PPP1R16B: variants seen among roughly 807,000 people sequenced by gnomAD.
PPP1R16B encodes the protein protein phosphatase 1 regulatory inhibitor subunit 16B.
A neutral mutation model predicts 61.7 loss-of-function variants in PPP1R16B; 14 were observed. The ratio of observed to expected loss-of-function variants is 0.23; its 90% CI spans 0.15 to 0.35. PPP1R16B has a LOEUF of 0.35. PPP1R16B is among the 10% of genes least tolerant of loss of function. The pLI, the probability that PPP1R16B is intolerant of heterozygous loss-of-function variation, is 1.00. For synonymous variants in PPP1R16B, 266 were observed against 305.3 expected (o/e 0.87, Z 1.34); for missense variants, 547 against 752.5 (o/e 0.73, Z 3.19).
rs577315309 is a variant in PPP1R16B at position 38,818,754 on chromosome 20, CT to C, written c.-102+12980del. ...GTGTGTAGGCTTCACTGATTGTCCTCTTTTTTTTTTTTTTTTTTCCCCTTGA... is the reference window on the plus strand; with the variant it reads ...GTGTGTAGGCTTCACTGATTGTCCTCTTTTTTTTTTTTTTTTTCCCCTTGA... On this transcript the variant is annotated intron_variant, in intron 1 of 10. Transcript: ENST00000299824. Among the ~76,000 whole-genome samples the C allele has an allele frequency of 6.5e-3, 897 of 138,202 alleles. 1 individual carries two copies. Among genetic ancestry groups the C allele is most frequent in the East Asian group, 0.012 (58 of 4,814 alleles). The allele number at this position is 138,202 out of a possible 152,430, so 90.7% of individuals were successfully genotyped here.
intron 2 of PPP1R16B, among the ~76,000 whole-genome samples, chr20:38,865,224 T>G (rs1323610553): frequency 6.6e-6 from 1 of 151,726 alleles, no homozygotes; most frequent in East Asian, 1.9e-4. Flanking sequence ...GTCAGTGTCC[T>G]GGCACACAGA....
chr20:38,838,270 T>G (rs1334908068), intron 2 of PPP1R16B: 4 of 152,466 alleles, frequency 2.6e-5, no homozygotes, highest in African/African-American at 9.6e-5. Context: ...TGGCTGTCCC[T>G]GGAGAGGCCT....
chr20:38,878,585 T>C (rs1377490289), intron 2 of PPP1R16B, among the ~76,000 whole-genome samples: 2 of 152,224 alleles, frequency 1.3e-5, no homozygotes, highest in African/African-American at 4.8e-5. Flanking sequence ...AGCTAAATAA[T>C]CTTGGGAAAA....
At chr20:38,913,084 T>C (rs1032259944) in intron 10 of PPP1R16B, among the ~76,000 whole-genome samples, 2 of 151,810 alleles carry the variant, frequency 1.3e-5, no homozygotes, top group African/African-American at 4.8e-5. Flanking sequence ...TTGGCCAGGC[T>C]GGTCTCGAAC....
At chr20:38,871,566 GAGTA>G (rs1322058699) in intron 2 of PPP1R16B, among the ~76,000 whole-genome samples, 2 of 140,862 alleles carry the variant, frequency 1.4e-5, no homozygotes, top group East Asian at 2.4e-4. Flanking sequence ...GGGAGGTAGA[GAGTA>G]AGGAAGAGAG....
intron 2 of PPP1R16B, among the ~76,000 whole-genome samples, chr20:38,885,600 G>A (rs1464367450): frequency 2.0e-5 from 3 of 152,134 alleles, no homozygotes; most frequent in Admixed American, 1.3e-4. Flanking sequence ...AGAGAGGCCC[G>A]GTGCCAAATC....
At chr20:38,912,021 A>G (rs2145783996) in intron 10 of PPP1R16B, among the ~76,000 whole-genome samples, 1 of 151,690 alleles carries the variant, frequency 6.6e-6, no homozygotes, top group East Asian at 1.9e-4. Context: ...ACTACCAAGC[A>G]GTTTTCCAAG....
At chr20:38,895,782 C>T in intron 4 of PPP1R16B, 72 bp downstream of exon 4, 1 of 1,436,770 alleles carries the variant, frequency 7.0e-7, no homozygotes, top group Non-Finnish European at 9.5e-7. Flanking sequence ...TTCTTTCTCT[C>T]CTCCCTCCCT....
At chr20:38,863,262 GGTCTGACCGCAGAGACCTGATGCACCTC>G (rs2085066610) in intron 2 of PPP1R16B, among the ~76,000 whole-genome samples, 1 of 152,128 alleles carries the variant, frequency 6.6e-6, no homozygotes, top group South Asian at 2.1e-4. Flanking sequence ...AGATAACCCT[GGTCTGACCGCAGAGACCTGATGCACCTC>G]GTACTTCCCC....
chr20:38,867,744 C>G (rs1425721449), intron 2 of PPP1R16B, among the ~76,000 whole-genome samples: 1 of 151,970 alleles, frequency 6.6e-6, no homozygotes, highest in African/African-American at 2.4e-5. Flanking sequence ...GTGAACTTGG[C>G]TCACTGCAAC....
chr20:38,870,791 G>A (rs2085123603), intron 2 of PPP1R16B, among the ~76,000 whole-genome samples: 1 of 152,198 alleles, frequency 6.6e-6, no homozygotes, highest in African/African-American at 2.4e-5. Context: ...AGCTCCAAGA[G>A]GCAGCTCGGC....
At chr20:38,901,602 AT>A (rs1377432217) in intron 5 of PPP1R16B, among the ~76,000 whole-genome samples, 1 of 151,946 alleles carries the variant, frequency 6.6e-6, no homozygotes, top group Non-Finnish European at 1.5e-5. Context: ...TAGAGACAGG[AT>A]TTCACCATGT....
At chr20:38,895,146 C>T (rs1250719355) in intron 3 of PPP1R16B, among the ~76,000 whole-genome samples, 7 of 152,202 alleles carry the variant, frequency 4.6e-5, no homozygotes, top group African/African-American at 1.4e-4. Context: ...CCTGCCTCAA[C>T]CCAACCAATC....
intron 2 of PPP1R16B, among the ~76,000 whole-genome samples, chr20:38,841,353 GAAAAAAAA>G (rs34203271): frequency 1.4e-4 from 6 of 42,584 alleles, no homozygotes; most frequent in African/African-American, 1.6e-4. Context: ...TGTCTGTACT[GAAAAAAAA>G]AAAAAAAAAA....
intron 5 of PPP1R16B, 108 bp downstream of exon 5, chr20:38,900,792 C>T (rs937029487): frequency 2.1e-5 from 16 of 774,912 alleles, no homozygotes; most frequent in Middle Eastern, 2.7e-4. Flanking sequence ...CTGCCTCGTG[C>T]GCTGTGCTCA....
intron 1 of PPP1R16B, among the ~76,000 whole-genome samples, chr20:38,829,386 C>G (rs1040810634): frequency 6.6e-6 from 1 of 152,248 alleles, no homozygotes; most frequent in African/African-American, 2.4e-5. Context: ...CCACAGATCC[C>G]TGCCACAGAT....
intron 1 of PPP1R16B, among the ~76,000 whole-genome samples, chr20:38,833,924 C>G (rs534332411): frequency 1.1e-4 from 16 of 152,326 alleles, no homozygotes; most frequent in African/African-American, 3.8e-4. Flanking sequence ...GGGCGGGTGA[C>G]GCAGGCGACC....
chr20:38,912,872 T>C (rs1266341857), intron 10 of PPP1R16B, among the ~76,000 whole-genome samples: 1 of 152,144 alleles, frequency 6.6e-6, no homozygotes, highest in Admixed American at 6.5e-5. Flanking sequence ...TTGTTTTTGT[T>C]TTTTTCCTCT....
At chr20:38,821,164 A>G (rs756028617) in intron 1 of PPP1R16B, among the ~76,000 whole-genome samples, 1 of 152,180 alleles carries the variant, frequency 6.6e-6, no homozygotes, top group Non-Finnish European at 1.5e-5. Context: ...CGTCTTTCCT[A>G]ACAGATTTTG....
Sources: gnomAD v4.1 joint callset for allele counts (sites outside exome capture counted in the v4.1 genomes callset) on GRCh38, gnomAD v4.1.1 for gene constraint, MANE v1.5 for transcripts, NCBI Gene and HGNC (gene_info 2026-07-23, HGNC 2026-07-21) for gene names.